CORO2A: variants seen among roughly 807,000 people sequenced by gnomAD.
CORO2A encodes coronin 2A.
A neutral mutation model predicts 62.4 loss-of-function variants in CORO2A; 47 were observed. The observed-to-expected ratio is 0.75, with a 90% CI of 0.60 to 0.96. The LOEUF (loss-of-function observed/expected upper bound fraction) is 0.96, where lower values mean the gene tolerates loss of function less well. Among genes scored for constraint, CORO2A ranks in the 40% least tolerant of loss-of-function variants. CORO2A has a pLI of 0.00. For missense variants in CORO2A, 610 were observed against 684.1 expected (o/e 0.89, Z 1.21); for synonymous variants, 273 against 268.9 (o/e 1.02, Z -0.15).
rs573279068 is a variant in CORO2A, at chr9:98,126,740, T to C, written c.1255A>G (p.Met419Val). 8 of 1,614,150 alleles carry C rather than the reference T, an allele frequency of 5.0e-6. No homozygotes were observed. In the African/African-American group the frequency reaches 6.7e-5, roughly 13 times the overall value. ...AAGAGCCGGGGTGAGGCTGGGGCCATGGAATTGAAGATAGGTCTCTCTGCA... is the reference window on the plus strand; with the variant it reads ...AAGAGCCGGGGTGAGGCTGGGGCCACGGAATTGAAGATAGGTCTCTCTGCA... ...LPAERPIFNS[M>V]APASPRLLNQ... Residue 419 changes from methionine to valine, a missense_variant, in exon 11 of 12, where the codon ATG becomes GTG. Physicochemically the swap from Met to Val is conservative, Grantham distance 21. Coordinates refer to ENST00000375077, the MANE Select transcript of CORO2A (RefSeq NM_052820.4).
At chr9:98,147,901 T>A (rs1827664665) in intron 2 of CORO2A, among the ~76,000 whole-genome samples, 1 of 151,986 alleles carries the variant, frequency 6.6e-6, no homozygotes, top group Non-Finnish European at 1.5e-5. Context: ...AGTGAGTGAA[T>A]GGTTATATAA....
At chr9:98,145,585 G>A (rs964258270) in intron 2 of CORO2A, among the ~76,000 whole-genome samples, 5 of 152,182 alleles carry the variant, frequency 3.3e-5, no homozygotes, top group Non-Finnish European at 7.3e-5. Flanking sequence ...GCTAGGACAG[G>A]GCATAGAGGG....
intron 2 of CORO2A, among the ~76,000 whole-genome samples, chr9:98,152,320 C>T (rs990798517): frequency 4.6e-5 from 7 of 151,734 alleles, no homozygotes; most frequent in Admixed American, 6.6e-5. Flanking sequence ...GACAGGGTGT[C>T]GCTTTGTCAC....
chr9:98,142,611 C>T (rs1827585893), intron 2 of CORO2A, among the ~76,000 whole-genome samples: 1 of 152,262 alleles, frequency 6.6e-6, no homozygotes, highest in South Asian at 2.1e-4. Context: ...AGTCAGGCTG[C>T]CCTCGGGCTG....
chr9:98,172,213 C>T (rs1032704142), intron 1 of CORO2A, among the ~76,000 whole-genome samples: 4 of 149,174 alleles, frequency 2.7e-5, no homozygotes, highest in Admixed American at 2.0e-4. Flanking sequence ...GAGCTCGGCA[C>T]CCCCACCCCA....
At chr9:98,158,386 T>C (rs1827836096) in intron 1 of CORO2A, among the ~76,000 whole-genome samples, 1 of 152,242 alleles carries the variant, frequency 6.6e-6, no homozygotes, top group African/African-American at 2.4e-5. Context: ...GCATGGCAGA[T>C]ACTTGATCAA....
intron 1 of CORO2A, among the ~76,000 whole-genome samples, chr9:98,180,806 G>C (rs1828166802): frequency 1.3e-5 from 2 of 152,030 alleles, no homozygotes. Context: ...AGAGGGCCCT[G>C]GAAGCCACAA....
intron 3 of CORO2A, among the ~76,000 whole-genome samples, chr9:98,135,662 G>A (rs543037361): frequency 8.5e-5 from 13 of 152,328 alleles, no homozygotes; most frequent in African/African-American, 3.1e-4. Context: ...CTGGGATGCT[G>A]CTGACTTGAT....
chr9:98,133,439 G>A (rs912013021), intron 4 of CORO2A, among the ~76,000 whole-genome samples: 4 of 152,142 alleles, frequency 2.6e-5, no homozygotes, highest in East Asian at 3.9e-4. Flanking sequence ...AAAGGAAAAC[G>A]CCACCTGCCT....
At chr9:98,180,179 T>C (rs1026458515) in intron 1 of CORO2A, among the ~76,000 whole-genome samples, 1 of 152,156 alleles carries the variant, frequency 6.6e-6, no homozygotes, top group African/African-American at 2.4e-5. Context: ...GCAAATACCT[T>C]ATACTCTGCC....
intron 10 of CORO2A, among the ~76,000 whole-genome samples, chr9:98,127,773 G>T (rs1159226328): frequency 8.2e-6 from 1 of 121,336 alleles, no homozygotes; most frequent in Non-Finnish European, 1.6e-5. Flanking sequence ...AGCTGAGATT[G>T]TACCACTGCA....
chr9:98,136,082 C>T (rs1030180829), intron 3 of CORO2A, among the ~76,000 whole-genome samples: 1 of 152,182 alleles, frequency 6.6e-6, no homozygotes, highest in Admixed American at 6.5e-5. Context: ...TTCTTCAGTC[C>T]CCCAACAGTC....
At chr9:98,148,809 CA>C (rs34341064) in intron 2 of CORO2A, among the ~76,000 whole-genome samples, 50,285 of 150,614 alleles carry the variant, frequency 0.33, 8,464 homozygotes, top group South Asian at 0.39. Flanking sequence ...ACACAAAACA[CA>C]AAAAAAAATG....
chr9:98,189,518 T>A (rs1021463413), intron 1 of CORO2A, among the ~76,000 whole-genome samples: 3 of 152,216 alleles, frequency 2.0e-5, no homozygotes, highest in Non-Finnish European at 4.4e-5. Flanking sequence ...ATTCATTTAA[T>A]GAATCTCCTT....
At chr9:98,144,275 CATA>C (rs1827612709) in intron 2 of CORO2A, among the ~76,000 whole-genome samples, 1 of 152,086 alleles carries the variant, frequency 6.6e-6, no homozygotes. Context: ...CTGCGTTGCT[CATA>C]ATATTTGATT....
intron 1 of CORO2A, among the ~76,000 whole-genome samples, chr9:98,182,345 G>A (rs1006260792): frequency 2.0e-5 from 3 of 152,138 alleles, no homozygotes; most frequent in Non-Finnish European, 4.4e-5. Flanking sequence ...TTTCTCCAGG[G>A]CAGGCCACAC....
intron 4 of CORO2A, 97 bp from the exon 5 acceptor site, chr9:98,133,314 T>C: frequency 4.0e-6 from 5 of 1,241,608 alleles, no homozygotes; most frequent in Non-Finnish European, 5.7e-6. Flanking sequence ...ACAGTATCCC[T>C]GGGAGGGTGG....
chr9:98,191,499 A>T (rs1828305506), intron 1 of CORO2A, among the ~76,000 whole-genome samples: 1 of 152,204 alleles, frequency 6.6e-6, no homozygotes, highest in Non-Finnish European at 1.5e-5. Flanking sequence ...AGGAAGGGTC[A>T]GAGGTTGTTT....
intron 2 of CORO2A, among the ~76,000 whole-genome samples, chr9:98,153,402 A>C (rs567089865): frequency 7.2e-6 from 1 of 139,446 alleles, no homozygotes; most frequent in Non-Finnish European, 1.5e-5. Context: ...CATCCGGCTG[A>C]TAACTTTTTT....
Sources: allele counts gnomAD v4.1 joint callset (sites outside exome capture counted in the v4.1 genomes callset), GRCh38; gene constraint gnomAD v4.1.1; transcripts MANE v1.5; gene names NCBI Gene and HGNC (gene_info 2026-07-23, HGNC 2026-07-21).